The following RBFOX1 variants were observed in gnomAD, a reference collection of about 807,000 sequenced individuals.
The protein encoded by RBFOX1 is RNA binding fox-1 homolog 1, also known as RNA binding protein fox-1 homolog 1.
Under a neutral mutation model 57.7 loss-of-function variants are expected in RBFOX1, and 8 were observed. That is an observed-to-expected ratio of 0.14 (90% CI 0.08 to 0.25). The LOEUF is 0.25. RBFOX1 is among the 10% of genes least tolerant of loss of function. RBFOX1 has a pLI of 1.00. For missense variants in RBFOX1, 611 were observed against 548.5 expected (o/e 1.11, Z -1.14); for synonymous variants, 326 against 222.4 (o/e 1.47, Z -4.15).
intron 3 of RBFOX1, among the ~76,000 whole-genome samples, chr16:6,784,732 G>T (rs888860693): frequency 2.6e-5 from 4 of 151,910 alleles, no homozygotes. Flanking sequence ...TGTGTGGATA[G>T]TTGTTCAATT....
intron 4 of RBFOX1, among the ~76,000 whole-genome samples, chr16:5,941,720 T>A (rs1247222303): frequency 6.6e-6 from 1 of 152,092 alleles, no homozygotes; most frequent in Non-Finnish European, 1.5e-5. Context: ...CCCATTTTTT[T>A]TTCCATACAG....
intron 3 of RBFOX1, among the ~76,000 whole-genome samples, chr16:5,802,974 C>A (rs2055107247): frequency 6.6e-6 from 1 of 152,174 alleles, no homozygotes; most frequent in Admixed American, 6.5e-5. Flanking sequence ...ATGGACACAG[C>A]CCCTTGAGTT....
chr16:6,483,140 AAG>A, intron 2 of RBFOX1: 1 of 1,057,024 alleles, frequency 9.5e-7, no homozygotes, highest in Non-Finnish European at 1.1e-6. Flanking sequence ...CCCCAGCTGC[AAG>A]AGTTTGCAAA....
chr16:6,470,756 G>T (rs1408167550), intron 2 of RBFOX1, among the ~76,000 whole-genome samples: 2 of 152,108 alleles, frequency 1.3e-5, no homozygotes, highest in Admixed American at 6.5e-5. Flanking sequence ...CTAGGAGTTG[G>T]CCTTGACTTT....
chr16:5,289,888 T>C (rs1334048251), intron 1 of RBFOX1, among the ~76,000 whole-genome samples: 1 of 152,186 alleles, frequency 6.6e-6, no homozygotes, highest in African/African-American at 2.4e-5. Flanking sequence ...ATGAAAGAAA[T>C]GAAAATATAT....
downstream of RBFOX1, among the ~76,000 whole-genome samples, chr16:5,603,416 A>T (rs1219389370): frequency 2.0e-5 from 3 of 152,102 alleles, no homozygotes; most frequent in East Asian, 5.8e-4. Context: ...TGAAATTCAG[A>T]CCCAGATTGG....
chr16:6,607,420 C>CTG (rs1304363077), intron 2 of RBFOX1, among the ~76,000 whole-genome samples: 1 of 125,486 alleles, frequency 8.0e-6, no homozygotes, highest in Non-Finnish European at 1.5e-5. Context: ...TCTCTCTCCT[C>CTG]TCTCTCTCTC....
intron 1 of RBFOX1, among the ~76,000 whole-genome samples, chr16:5,335,385 G>A (rs2064870026): frequency 6.6e-6 from 1 of 152,164 alleles, no homozygotes; most frequent in Non-Finnish European, 1.5e-5. Flanking sequence ...AGATTCAAAA[G>A]GGAGAAAGGT....
chr16:7,417,752 A>G (rs1012927217), intron 4 of RBFOX1, among the ~76,000 whole-genome samples: 1 of 152,302 alleles, frequency 6.6e-6, no homozygotes, highest in African/African-American at 2.4e-5. Context: ...CAAGAATGCT[A>G]TATAAAAAGT....
chr16:7,084,860 T>C (rs1310035860), intron 4 of RBFOX1, among the ~76,000 whole-genome samples: 1 of 151,590 alleles, frequency 6.6e-6, no homozygotes, highest in Non-Finnish European at 1.5e-5. Context: ...TCTTTCTGTC[T>C]ATCTATCTAT....
intron 1 of RBFOX1, among the ~76,000 whole-genome samples, chr16:5,332,523 C>G (rs964957113): frequency 6.6e-6 from 1 of 152,040 alleles, no homozygotes. Context: ...CTCGGCGTCC[C>G]AAAGTGCTGG....
chr16:6,505,209 T>C (rs1311904000), intron 2 of RBFOX1, among the ~76,000 whole-genome samples: 1 of 152,234 alleles, frequency 6.6e-6, no homozygotes, highest in Admixed American at 6.5e-5. Context: ...CTTAAAGCTC[T>C]TGATTGTCAG....
intron 1 of RBFOX1, among the ~76,000 whole-genome samples, chr16:6,264,591 C>T (rs905331490): frequency 6.6e-6 from 1 of 152,106 alleles, no homozygotes; most frequent in African/African-American, 2.4e-5. Flanking sequence ...AGACCCACCA[C>T]ATTCTCTTCC....
intron 2 of RBFOX1, among the ~76,000 whole-genome samples, chr16:5,540,076 A>G (rs2151057569): frequency 6.6e-6 from 1 of 152,288 alleles, no homozygotes; most frequent in African/African-American, 2.4e-5. Context: ...TCTAAAGGTA[A>G]GAGACAGTTA....
intron 4 of RBFOX1, among the ~76,000 whole-genome samples, chr16:7,251,383 G>C (rs2094493674): frequency 6.7e-6 from 1 of 148,726 alleles, no homozygotes; most frequent in Non-Finnish European, 1.5e-5. Context: ...TTCCATTGTA[G>C]ATACAGAGCA....
intron 4 of RBFOX1, among the ~76,000 whole-genome samples, chr16:7,409,642 G>A (rs138996600): frequency 8.5e-5 from 13 of 152,198 alleles, no homozygotes; most frequent in African/African-American, 2.7e-4. Flanking sequence ...CATACCATCA[G>A]ATGTAATCCA....
At chr16:5,883,115 C>G (rs1333637575) in intron 4 of RBFOX1, among the ~76,000 whole-genome samples, 2 of 152,116 alleles carry the variant, frequency 1.3e-5, no homozygotes, top group African/African-American at 4.8e-5. Context: ...ATGTATCATA[C>G]AGTACTGTGT....
rs1329284675 is a variant in RBFOX1 at position 7,241,891 on chromosome 16, A to T, written c.27+189793A>T. Among the ~76,000 whole-genome samples the T allele has an allele frequency of 1.2e-4, 18 of 152,044 alleles. No homozygotes were observed. In the East Asian group the frequency reaches 3.3e-3, roughly 28 times the overall value. On this transcript the variant is annotated intron_variant, in intron 4 of 15. Transcript: ENST00000550418. ...ATGCATATAAATATACTTATATGTGATTTGTGTATACATAATTACATGAGT... is the reference window on the plus strand; with the variant it reads ...ATGCATATAAATATACTTATATGTGTTTTGTGTATACATAATTACATGAGT...
intron 3 of RBFOX1, among the ~76,000 whole-genome samples, chr16:5,853,189 T>C (rs7204977): frequency 6.6e-6 from 1 of 151,528 alleles, no homozygotes; most frequent in Non-Finnish European, 1.5e-5. Context: ...TGGGGTGAAG[T>C]TTGGAGCCTC....
Sources: gnomAD v4.1 joint callset for allele counts (sites outside exome capture counted in the v4.1 genomes callset) on GRCh38, gnomAD v4.1.1 for gene constraint, MANE v1.5 for transcripts, NCBI Gene and HGNC (gene_info 2026-07-23, HGNC 2026-07-21) for gene names.